Variants in SDCCAG8 observed in about 807,000 individuals in gnomAD.
SDCCAG8 encodes the protein serologically defined colon cancer antigen 8.
A neutral mutation model predicts 101.8 loss-of-function variants in SDCCAG8; 74 were observed. That is an observed-to-expected ratio of 0.73 (90% CI 0.60 to 0.88). SDCCAG8 has a LOEUF of 0.88. Among genes scored for constraint, SDCCAG8 ranks in the 40% least tolerant of loss-of-function variants. The pLI, the probability that SDCCAG8 is intolerant of heterozygous loss-of-function variation, is 0.00. For missense variants in SDCCAG8, 787 were observed against 822.6 expected (o/e 0.96, Z 0.53); for synonymous variants, 281 against 292.9 (o/e 0.96, Z 0.41).
intron 6 of SDCCAG8, among the ~76,000 whole-genome samples, chr1:243,303,671 T>G (rs972643486): frequency 6.6e-6 from 1 of 152,234 alleles, no homozygotes; most frequent in African/African-American, 2.4e-5. Flanking sequence ...TGTAATAATA[T>G]AGTATGTAAT....
At chr1:243,321,563 A>G (rs1389179473) in intron 9 of SDCCAG8, among the ~76,000 whole-genome samples, 1 of 152,214 alleles carries the variant, frequency 6.6e-6, no homozygotes, top group African/African-American at 2.4e-5. Context: ...ACATGATTTC[A>G]TTCTTTTTTA....
chr1:243,344,596 C>T (rs1432510455), intron 12 of SDCCAG8, among the ~76,000 whole-genome samples: 1 of 152,028 alleles, frequency 6.6e-6, no homozygotes, highest in Non-Finnish European at 1.5e-5. Flanking sequence ...CTATTACTTA[C>T]AAAAGTAAAA....
Position 243,458,414 on chromosome 1 carries a change from TATATA to T in SDCCAG8, c.1986-30596_1986-30592del, listed in dbSNP as rs1658280886. ...ATATAATTATGTAAGATATAATAAA[TATATA>T]ATAATCGTCATTGTAATTCTCATCA... On this transcript the variant is annotated intron_variant, in intron 16 of 17. Coordinates refer to ENST00000366541, the MANE Select transcript of SDCCAG8 (RefSeq NM_006642.5). The surrounding 1 kb of genome is among the most constrained non-coding windows in gnomAD (Gnocchi z 4.5). Among the ~76,000 whole-genome samples the T allele has an allele frequency of 6.6e-6, 1 of 151,742 alleles. No homozygotes were observed. Among genetic ancestry groups the T allele is most frequent in the Non-Finnish European group, 1.5e-5 (1 of 67,962 alleles).
intron 13 of SDCCAG8, among the ~76,000 whole-genome samples, chr1:243,382,616 G>T (rs1035510833): frequency 1.3e-5 from 2 of 152,174 alleles, no homozygotes; most frequent in African/African-American, 4.8e-5. Context: ...TCAGGAGGCT[G>T]TTTAGTTCAA....
intron 4 of SDCCAG8, among the ~76,000 whole-genome samples, chr1:243,283,401 TTA>T (rs58028915): frequency 0.78 from 114,828 of 146,726 alleles, 46,141 homozygotes; most frequent in East Asian, 0.93. Flanking sequence ...CCCTGTTTAT[TTA>T]TATATATATA....
At chr1:243,478,956 C>CAAAAAAAAAAAAAAAAAAA (rs148382740) in intron 16 of SDCCAG8, among the ~76,000 whole-genome samples, 7 of 94,694 alleles carry the variant, frequency 7.4e-5, no homozygotes, top group African/African-American at 2.2e-4. Context: ...GACTCTGTCT[C>CAAAAAAAAAAAAAAAAAAA]AAAAAAAAAA....
chr1:243,429,337 C>T (rs1299215100), intron 16 of SDCCAG8, among the ~76,000 whole-genome samples: 1 of 151,876 alleles, frequency 6.6e-6, no homozygotes, highest in Non-Finnish European at 1.5e-5. Context: ...TGTTAATCAA[C>T]CATTTATGTT....
In SDCCAG8 at chr1:243,407,372, A is replaced by G. The variant is rs576078018; in HGVS notation, c.1617-8330A>G. ...TCTATCAAACAGGAATATCTGTTCC[A>G]TCTCTCTGCCCCACAGAGATGTTAT... On this transcript the variant is annotated intron_variant, in intron 13 of 17. Transcript: ENST00000366541. 3.3e-5 allele frequency among the ~76,000 whole-genome samples: 5 copies of G among 152,334 alleles called. No homozygotes were observed. The East Asian group carries it at 7.7e-4, about 23-fold the overall frequency.
chr1:243,256,470 C>A (rs2066698656), intron 1 of SDCCAG8, among the ~76,000 whole-genome samples: 1 of 152,254 alleles, frequency 6.6e-6, no homozygotes, highest in Admixed American at 6.5e-5. Flanking sequence ...ACTCCTTGAT[C>A]TTAACTTGGC....
chr1:243,319,072 C>T (rs1314030527), intron 9 of SDCCAG8, among the ~76,000 whole-genome samples: 2 of 152,266 alleles, frequency 1.3e-5, no homozygotes, highest in Non-Finnish European at 2.9e-5. Flanking sequence ...GAGCAAGCCT[C>T]ACAAGGGAGC....
At chr1:243,463,906 A>T (rs1012329883) in intron 16 of SDCCAG8, among the ~76,000 whole-genome samples, 3 of 152,036 alleles carry the variant, frequency 2.0e-5, no homozygotes, top group Non-Finnish European at 4.4e-5. Flanking sequence ...CATCCAAGGG[A>T]TGGATGTGAA....
intron 15 of SDCCAG8, 99 bp downstream of exon 15, chr1:243,418,175 C>A: frequency 1.2e-6 from 1 of 815,192 alleles, no homozygotes; most frequent in South Asian, 1.4e-5. Flanking sequence ...AGTCTAATGT[C>A]AAAATTAGGT....
chr1:243,304,672 G>A (rs2149314789), intron 6 of SDCCAG8, 41 bp from the exon 7 acceptor site: 3 of 1,071,898 alleles, frequency 2.8e-6, no homozygotes, highest in Non-Finnish European at 4.3e-6. Context: ...ATAAAATACA[G>A]GACATAGAGA....
At chr1:243,302,909 G>A (rs1030693413) in intron 6 of SDCCAG8, among the ~76,000 whole-genome samples, 3 of 151,944 alleles carry the variant, frequency 2.0e-5, no homozygotes, top group African/African-American at 4.8e-5. Flanking sequence ...TGCCATTATT[G>A]TTGTAGAAAA....
At chr1:243,281,374 G>A (rs1370061448) in intron 4 of SDCCAG8, among the ~76,000 whole-genome samples, 3 of 147,762 alleles carry the variant, frequency 2.0e-5, no homozygotes, top group Non-Finnish European at 4.5e-5. Context: ...GGGCTCAAGG[G>A]ATCCTCCCAT....
At chr1:243,361,099 A>T (rs570124697) in intron 12 of SDCCAG8, among the ~76,000 whole-genome samples, 1 of 152,148 alleles carries the variant, frequency 6.6e-6, no homozygotes, top group Non-Finnish European at 1.5e-5. Flanking sequence ...GCCATAATAA[A>T]TTATTCCTCT....
At chr1:243,421,009 G>A (rs2080959821) in intron 15 of SDCCAG8, among the ~76,000 whole-genome samples, 1 of 152,138 alleles carries the variant, frequency 6.6e-6, no homozygotes, top group South Asian at 2.1e-4. Flanking sequence ...TTTTCCCTGT[G>A]CTTTGAGGTA....
intron 16 of SDCCAG8, among the ~76,000 whole-genome samples, chr1:243,478,875 T>C (rs1248663160): frequency 6.7e-6 from 1 of 148,976 alleles, no homozygotes; most frequent in Non-Finnish European, 1.5e-5. Flanking sequence ...GGAGAATCAT[T>C]TGAACCCGGG....
chr1:243,359,978 A>G (rs1317371693), intron 12 of SDCCAG8, among the ~76,000 whole-genome samples: 1 of 152,156 alleles, frequency 6.6e-6, no homozygotes, highest in Non-Finnish European at 1.5e-5. Context: ...TAGTAAGTAT[A>G]TAATGGTATC....
Sources: allele counts gnomAD v4.1 joint callset (sites outside exome capture counted in the v4.1 genomes callset), GRCh38; gene constraint gnomAD v4.1.1; non-coding constraint Gnocchi (gnomAD v3.1); transcripts MANE v1.5; gene names NCBI Gene and HGNC (gene_info 2026-07-23, HGNC 2026-07-21).